DIP2B: variants seen among roughly 807,000 people sequenced by gnomAD.
DIP2B encodes the protein disco-interacting protein 2 homolog B.
DIP2B carries 76 observed loss-of-function variants against 198.0 expected under a neutral mutation model. That is an observed-to-expected ratio of 0.38 (90% CI 0.32 to 0.46). The LOEUF (loss-of-function observed/expected upper bound fraction) is 0.46. DIP2B is among the 20% of genes least tolerant of loss of function. The pLI, the probability that DIP2B is intolerant of heterozygous loss-of-function variation, is 0.99. For synonymous variants in DIP2B, 701 were observed against 739.1 expected, an observed-to-expected ratio of 0.95 and a Z score of 0.84; for missense variants, 1,559 against 1,978.4, an observed-to-expected ratio of 0.79 and a Z score of 4.02.
chr12:50,736,703 C>T (rs1043904770), intron 34 of DIP2B, among the ~76,000 whole-genome samples: 1 of 152,164 alleles, frequency 6.6e-6, no homozygotes, highest in South Asian at 2.1e-4. Flanking sequence ...TGAGAAAGAA[C>T]ATGAAAAGGG....
chr12:50,566,640 C>T (rs1958565818), intron 1 of DIP2B, among the ~76,000 whole-genome samples: 1 of 152,070 alleles, frequency 6.6e-6, no homozygotes, highest in Admixed American at 6.6e-5. Flanking sequence ...CTCTGAGGCT[C>T]TGTTAGATTT....
intron 4 of DIP2B, among the ~76,000 whole-genome samples, chr12:50,660,857 A>T (rs1265659023): frequency 2.0e-5 from 3 of 152,142 alleles, no homozygotes; most frequent in Non-Finnish European, 4.4e-5. Flanking sequence ...TGTGTGTGTT[A>T]ATGTATTTTG....
intron 1 of DIP2B, among the ~76,000 whole-genome samples, chr12:50,624,218 A>C (rs552403407): frequency 1.3e-5 from 2 of 152,196 alleles, no homozygotes; most frequent in African/African-American, 4.8e-5. Context: ...GATAAAACCA[A>C]CTGTTGATTA....
chr12:50,629,675 C>T lies in DIP2B; in HGVS notation c.172+3628C>T, dbSNP rs80051653. ...TACCTTAAAGGCATCACCATTTCAA[C>T]ATATCCAAAATTTAAATTTATGACT... is the stretch of plus-strand genomic sequence containing the variant. On this transcript the variant is annotated intron_variant, in intron 2 of 37. Coordinates refer to ENST00000301180, the MANE Select transcript of DIP2B (RefSeq NM_173602.3). Among the ~76,000 whole-genome samples, 578 of 152,244 alleles carry T rather than the reference C, an allele frequency of 3.8e-3. 1 individual carries two copies. The highest frequency in any genetic ancestry group is 6.7e-3 in the Non-Finnish European group (453 of 68,020).
At chr12:50,575,281 A>G (rs1958648978) in intron 1 of DIP2B, among the ~76,000 whole-genome samples, 1 of 150,432 alleles carries the variant, frequency 6.6e-6, no homozygotes, top group African/African-American at 2.5e-5. Flanking sequence ...CACAACAACA[A>G]CTCAGAAACC....
At chr12:50,724,651 ATG>A (rs1939898433) in intron 27 of DIP2B, 122 bp from the exon 28 acceptor site, 1 of 722,070 alleles carries the variant, frequency 1.4e-6, no homozygotes, top group Non-Finnish European at 2.4e-6. Flanking sequence ...TCTGTCTCAC[ATG>A]TGTTCTTTGA....
At chr12:50,530,039 T>G (rs1389996979) in intron 1 of DIP2B, among the ~76,000 whole-genome samples, 1 of 152,196 alleles carries the variant, frequency 6.6e-6, no homozygotes, top group African/African-American at 2.4e-5. Context: ...GTGGCTGGCT[T>G]CTTCAGGCTG....
intron 2 of DIP2B, among the ~76,000 whole-genome samples, chr12:50,629,600 C>T (rs1470758087): frequency 1.3e-5 from 2 of 152,108 alleles, no homozygotes; most frequent in African/African-American, 2.4e-5. Flanking sequence ...CGATCTCTTC[C>T]GAGCCCCCGA....
intron 1 of DIP2B, among the ~76,000 whole-genome samples, chr12:50,510,831 A>G (rs1334259334): frequency 6.6e-6 from 1 of 150,928 alleles, no homozygotes; most frequent in Admixed American, 6.6e-5. Flanking sequence ...TTTTAGTAGA[A>G]ATGGGGTTTC....
intron 1 of DIP2B, among the ~76,000 whole-genome samples, chr12:50,576,895 G>T (rs766658649): frequency 6.6e-6 from 1 of 151,190 alleles, no homozygotes; most frequent in Non-Finnish European, 1.5e-5. Context: ...CGGAGTTTCG[G>T]TCTCGTTGCC....
chr12:50,653,328 C>A (rs372584574), intron 3 of DIP2B, among the ~76,000 whole-genome samples: 1 of 116,310 alleles, frequency 8.6e-6, no homozygotes, highest in Non-Finnish European at 1.7e-5. Context: ...GTCTTTCTTT[C>A]TTTTTTTTTT....
At chr12:50,651,738 A>G (rs377064240) in intron 3 of DIP2B, among the ~76,000 whole-genome samples, 1 of 151,820 alleles carries the variant, frequency 6.6e-6, no homozygotes, top group Non-Finnish European at 1.5e-5. Context: ...CTTTGTAATC[A>G]TTTTTTTTAA....
At chr12:50,576,150 A>G (rs1338001478) in intron 1 of DIP2B, among the ~76,000 whole-genome samples, 41 of 142,310 alleles carry the variant, frequency 2.9e-4, no homozygotes, top group African/African-American at 1.1e-3. Flanking sequence ...GCTTACTACA[A>G]CCTCCGCCTC....
chr12:50,664,490 T>C (rs1418732057), intron 4 of DIP2B, among the ~76,000 whole-genome samples: 2 of 152,232 alleles, frequency 1.3e-5, no homozygotes, highest in Non-Finnish European at 2.9e-5. Flanking sequence ...TCCCTTTATG[T>C]GCTGAAATCA....
rs11169473 is a variant in DIP2B at position 50,518,090 on chromosome 12, C to T, written c.100+12850C>T. ...ACTGAGGTAGCAAAAAGCACCTAAA[C>T]ATTGCATACAATGTATCTTCCCACC... On this transcript the variant is annotated intron_variant, in intron 1 of 37. Transcript: ENST00000301180. Among the ~76,000 whole-genome samples, 244 of 152,308 alleles carry T rather than the reference C, an allele frequency of 1.6e-3. 1 individual carries two copies. The highest frequency in any genetic ancestry group is 5.4e-3 in the African/African-American group (223 of 41,572).
chr12:50,653,562 G>A (rs895512923), intron 3 of DIP2B, among the ~76,000 whole-genome samples: 1 of 150,574 alleles, frequency 6.6e-6, no homozygotes, highest in African/African-American at 2.4e-5. Flanking sequence ...GGCTGGTCTC[G>A]ACCTCCTAGG....
intron 1 of DIP2B, among the ~76,000 whole-genome samples, chr12:50,579,611 CAAAAAAAAAAAAAAAAAA>C (rs1160480924): frequency 1.6e-3 from 11 of 6,890 alleles, no homozygotes; most frequent in South Asian, 0.01. Flanking sequence ...GACTCCGTCT[CAAAAAAAAAAAAAAAAAA>C]AAAAAAAAAA....
chr12:50,719,156 C>A, intron 25 of DIP2B, 121 bp downstream of exon 25: 1 of 1,053,612 alleles, frequency 9.5e-7, no homozygotes. Context: ...GAGTTAATGG[C>A]TTTCTCCTTG....
chr12:50,634,259 A>G (rs894124731), intron 2 of DIP2B, among the ~76,000 whole-genome samples: 1 of 152,204 alleles, frequency 6.6e-6, no homozygotes. Flanking sequence ...GACCACACGC[A>G]TTCTAACTTC....
Sources: allele counts gnomAD v4.1 joint callset (sites outside exome capture counted in the v4.1 genomes callset), GRCh38; gene constraint gnomAD v4.1.1; transcripts MANE v1.5; gene names NCBI Gene and HGNC (gene_info 2026-07-23, HGNC 2026-07-21).